The following OSBP2 variants were observed in gnomAD, a reference collection of about 807,000 sequenced individuals.
OSBP2 encodes the protein oxysterol-binding protein 2.
In OSBP2, 66 loss-of-function variants were observed where a neutral mutation model predicts 96.0. That is an observed-to-expected ratio of 0.69 (90% CI 0.56 to 0.84). OSBP2 has a LOEUF of 0.84. Among genes scored for constraint, OSBP2 ranks in the 40% least tolerant of loss-of-function variants. The probability of loss-of-function intolerance (pLI) is 0.00; values close to 1 mark genes in which losing one functional copy is unlikely to be tolerated. For missense variants in OSBP2, 1,038 were observed against 1,222.7 expected, an observed-to-expected ratio of 0.85 and a Z score of 2.25; for synonymous variants, 525 against 520.9, an observed-to-expected ratio of 1.01 and a Z score of -0.11.
At chr22:30,873,159 C>G (rs2039495137) in intron 3 of OSBP2, among the ~76,000 whole-genome samples, 1 of 152,214 alleles carries the variant, frequency 6.6e-6, no homozygotes, top group Non-Finnish European at 1.5e-5. Context: ...ACCAGCATAA[C>G]CCAGCTGGTA....
chr22:30,808,823 G>A (rs777391799), intron 2 of OSBP2, among the ~76,000 whole-genome samples: 1 of 152,094 alleles, frequency 6.6e-6, no homozygotes, highest in Non-Finnish European at 1.5e-5. Context: ...GCGTGGTGGC[G>A]GGTGCCTGTA....
chr22:30,736,990 G>A (rs1360910698), intron 1 of OSBP2, among the ~76,000 whole-genome samples: 9 of 152,134 alleles, frequency 5.9e-5, no homozygotes, highest in South Asian at 2.1e-4. Context: ...AAGTCACTTC[G>A]ATTCTCCATT....
In OSBP2 at chr22:30,892,635, G is replaced by A. The variant is rs554697663; in HGVS notation, c.1870-487G>A. On this transcript the variant is annotated intron_variant, in intron 8 of 13. Transcript: ENST00000332585. ...AGGGCCGGGCCCGGGGCAGTGCATC[G>A]ATGTGGATGCCTGCTCTGGAGCCAG... Among the ~76,000 whole-genome samples the A allele has an allele frequency of 1.8e-4, 28 of 152,242 alleles. No homozygotes were observed. In the East Asian group the frequency reaches 2.9e-3, roughly 16 times the overall value.
At chr22:30,752,898 A>G (rs2090095896) in intron 2 of OSBP2, among the ~76,000 whole-genome samples, 1 of 152,216 alleles carries the variant, frequency 6.6e-6, no homozygotes, top group South Asian at 2.1e-4. Flanking sequence ...TCATTGCTAC[A>G]AAAAGTCTTA....
intron 1 of OSBP2, among the ~76,000 whole-genome samples, chr22:30,722,027 T>C (rs2089559655): frequency 6.6e-6 from 1 of 152,210 alleles, no homozygotes; most frequent in South Asian, 2.1e-4. Flanking sequence ...TCTGCTCAAG[T>C]ATCCTGAATT....
chr22:30,764,735 A>G (rs2090249333), intron 2 of OSBP2, among the ~76,000 whole-genome samples: 1 of 152,072 alleles, frequency 6.6e-6, no homozygotes, highest in Non-Finnish European at 1.5e-5. Flanking sequence ...CTCTCCTTAG[A>G]ACAAAGGGAA....
rs902588957 is a variant in OSBP2 at position 30,870,908 on chromosome 22, G to A, written c.1107+226G>A. Among the ~76,000 whole-genome samples, 5 of 152,250 alleles carry A rather than the reference G, an allele frequency of 3.3e-5. No individual in the cohort carries two copies. The highest frequency in any genetic ancestry group is 7.3e-5 in the Non-Finnish European group (5 of 68,048). ...TTCTTCCTAATTGTCTGGAGGAAAC[G>A]AGTTGGTTGTGGACTCTGGTGCAGT... On this transcript the variant is annotated intron_variant, in intron 3 of 13. Transcript: ENST00000332585. The surrounding 1 kb of genome is among the most constrained non-coding windows in gnomAD (Gnocchi z 4.1).
At chr22:30,708,408 A>G (rs1412069168) in intron 1 of OSBP2, among the ~76,000 whole-genome samples, 2 of 148,736 alleles carry the variant, frequency 1.3e-5, no homozygotes, top group Non-Finnish European at 1.5e-5. Context: ...TTCTCAAATC[A>G]TTTTAAAGTG....
intron 2 of OSBP2, among the ~76,000 whole-genome samples, chr22:30,793,968 C>T (rs995448802): frequency 7.9e-5 from 12 of 152,186 alleles, no homozygotes; most frequent in African/African-American, 2.9e-4. Context: ...CATCCATACA[C>T]TGGAATATTA....
At chr22:30,855,001 G>A (rs906012008) in intron 2 of OSBP2, among the ~76,000 whole-genome samples, 5 of 152,088 alleles carry the variant, frequency 3.3e-5, no homozygotes, top group South Asian at 2.1e-4. Flanking sequence ...ATCAGATCGC[G>A]TGGGAACTGT....
intron 2 of OSBP2, among the ~76,000 whole-genome samples, chr22:30,793,900 C>T (rs890764497): frequency 2.0e-5 from 3 of 152,030 alleles, no homozygotes; most frequent in Non-Finnish European, 2.9e-5. Flanking sequence ...CACAGTAGCC[C>T]AAAGGTGGAT....
intron 2 of OSBP2, among the ~76,000 whole-genome samples, chr22:30,775,453 C>CA (rs773436557): frequency 0.015 from 1,893 of 130,544 alleles, 20 homozygotes; most frequent in Admixed American, 0.032. Flanking sequence ...ACTAAAAATA[C>CA]AAAAAAAAAA....
At position 30,870,798 on chromosome 22, in the gene OSBP2, C is replaced by T. The variant is rs1253373119; in HGVS notation, c.1107+116C>T. On this transcript the variant is annotated intron_variant, in intron 3 of 13. Transcript: ENST00000332585. This position sits in a 1 kb window ranked among gnomAD's most constrained non-coding sequence, Gnocchi z 4.1. ...CAGCGTTCCATTTCCTGCGGTTCCA[C>T]GGTGTTTCCCAAAGCCAGCGCCCCC... 1.7e-5 allele frequency: 19 copies of T among 1,125,980 alleles called. No individual in the cohort carries two copies. Among genetic ancestry groups the T allele is most frequent in the South Asian group, 3.1e-5 (2 of 65,570 alleles). The allele number at this position is 1,125,980 out of a possible 1,614,324, so 69.7% of individuals were successfully genotyped here. A position where few individuals can be genotyped will look rare whatever the true frequency, so the allele number is the denominator to read the frequency against.
intron 1 of OSBP2, among the ~76,000 whole-genome samples, chr22:30,697,943 C>T (rs2089079490): frequency 6.6e-6 from 1 of 152,200 alleles, no homozygotes; most frequent in Admixed American, 6.5e-5. Context: ...GTCCGAATGC[C>T]ACCAGAGATG....
intron 12 of OSBP2, among the ~76,000 whole-genome samples, chr22:30,905,173 C>T (rs1207563724): frequency 8.1e-6 from 1 of 123,792 alleles, no homozygotes; most frequent in African/African-American, 3.0e-5. Flanking sequence ...TTAGACGGAG[C>T]CTCGAACTGT....
intron 1 of OSBP2, among the ~76,000 whole-genome samples, chr22:30,729,051 A>G (rs1030278313): frequency 6.6e-5 from 10 of 152,232 alleles, no homozygotes; most frequent in African/African-American, 2.4e-4. Context: ...ACACATATGC[A>G]TTCACTGATA....
chr22:30,720,636 T>A (rs1278184092), intron 1 of OSBP2, among the ~76,000 whole-genome samples: 1 of 152,196 alleles, frequency 6.6e-6, no homozygotes. Flanking sequence ...TTCACTTTCC[T>A]TATCTGTCAA....
intron 2 of OSBP2, among the ~76,000 whole-genome samples, chr22:30,860,061 C>G (rs954983688): frequency 1.1e-4 from 17 of 152,170 alleles, no homozygotes; most frequent in African/African-American, 3.9e-4. Flanking sequence ...AGCATCTAAC[C>G]CAGTGGTTCT....
In OSBP2 at chr22:30,738,658, T is replaced by A. The variant is rs143001840; in HGVS notation, c.645-2503T>A. 2.0e-3 allele frequency among the ~76,000 whole-genome samples: 307 copies of A among 152,108 alleles called. 3 individuals are homozygous for A. The highest frequency in any genetic ancestry group is 7.2e-3 in the African/African-American group (297 of 41,496). On this transcript the variant is annotated intron_variant, in intron 1 of 13. Transcript: ENST00000332585. ...TCATTGCAACCTCCGCCTCCCAGGTTCAAGTGATTCTCCTGCCTCAGCCAT... is the reference window on the plus strand; with the variant it reads ...TCATTGCAACCTCCGCCTCCCAGGTACAAGTGATTCTCCTGCCTCAGCCAT...
Sources: gnomAD v4.1 joint callset for allele counts (sites outside exome capture counted in the v4.1 genomes callset) on GRCh38, gnomAD v4.1.1 for gene constraint, Gnocchi (gnomAD v3.1) non-coding constraint, MANE v1.5 for transcripts, NCBI Gene and HGNC (gene_info 2026-07-23, HGNC 2026-07-21) for gene names.